The following LRCH1 variants were observed in gnomAD, a reference collection of about 807,000 sequenced individuals.
LRCH1 encodes the protein leucine rich repeats and calponin homology domain containing 1.
Under a neutral mutation model 94.9 loss-of-function variants are expected in LRCH1, and 23 were observed. The observed-to-expected ratio is 0.24, with a 90% CI of 0.17 to 0.34. The LOEUF (loss-of-function observed/expected upper bound fraction) is 0.34. LRCH1 is among the 10% of genes least tolerant of loss of function. LRCH1 has a pLI of 1.00. For synonymous variants in LRCH1, 364 were observed against 354.9 expected (o/e 1.03, Z -0.29); for missense variants, 790 against 945.9 (o/e 0.84, Z 2.16).
At chr13:46,708,233 G>A (rs1488860629) in intron 13 of LRCH1, among the ~76,000 whole-genome samples, 1 of 151,774 alleles carries the variant, frequency 6.6e-6, no homozygotes, top group African/African-American at 2.4e-5. Flanking sequence ...AATATAGACT[G>A]AGCCCAGTTC....
intron 18 of LRCH1, among the ~76,000 whole-genome samples, chr13:46,730,879 G>C (rs1414175076): frequency 6.6e-6 from 1 of 152,094 alleles, no homozygotes; most frequent in Non-Finnish European, 1.5e-5. Flanking sequence ...AGGACATCAT[G>C]AATTGTGTAC....
At chr13:46,631,529 A>G (rs2051017421) in intron 1 of LRCH1, among the ~76,000 whole-genome samples, 1 of 152,168 alleles carries the variant, frequency 6.6e-6, no homozygotes, top group Non-Finnish European at 1.5e-5. Flanking sequence ...AGTATGTAGC[A>G]TGGACTCTGA....
chr13:46,618,191 G>A (rs776565152), intron 1 of LRCH1, among the ~76,000 whole-genome samples: 59 of 152,094 alleles, frequency 3.9e-4, no homozygotes, highest in Non-Finnish European at 8.1e-4. Context: ...AACCCGCATG[G>A]CATGTTACCA....
intron 1 of LRCH1, among the ~76,000 whole-genome samples, chr13:46,567,592 C>T (rs922774243): frequency 5.6e-4 from 85 of 151,448 alleles, no homozygotes; most frequent in Non-Finnish European, 8.2e-4. Flanking sequence ...GTCATTCCAT[C>T]GGTTATAGGC....
chr13:46,599,537 A>G (rs2050603150), intron 1 of LRCH1, among the ~76,000 whole-genome samples: 1 of 152,170 alleles, frequency 6.6e-6, no homozygotes, highest in Non-Finnish European at 1.5e-5. Context: ...TTGGTAGCTG[A>G]CTGATAATTA....
intron 1 of LRCH1, among the ~76,000 whole-genome samples, chr13:46,625,900 A>C (rs1459821450): frequency 6.6e-6 from 1 of 151,890 alleles, no homozygotes; most frequent in East Asian, 1.9e-4. Flanking sequence ...TGATCTGCCC[A>C]CCTCAGCCTC....
At chr13:46,732,531 C>A (rs959518508) in intron 18 of LRCH1, among the ~76,000 whole-genome samples, 1 of 152,164 alleles carries the variant, frequency 6.6e-6, no homozygotes, top group Admixed American at 6.5e-5. Flanking sequence ...CCATTAACTT[C>A]TTTGGGGCTG....
chr13:46,676,939 G>A (rs969148325), intron 3 of LRCH1, among the ~76,000 whole-genome samples: 2 of 151,942 alleles, frequency 1.3e-5, no homozygotes, highest in African/African-American at 2.4e-5. Context: ...CACCATGCCC[G>A]ACTAATTTTT....
At chr13:46,705,545 A>AT (rs3832915) in intron 13 of LRCH1, 470,239 of 626,778 alleles carry the variant, frequency 0.75, 177,480 homozygotes, top group East Asian at 0.83. Context: ...GATTCTGTAG[A>AT]TTTTTTTACC....
chr13:46,708,276 C>CTTTTTTT (rs10635302), intron 13 of LRCH1, among the ~76,000 whole-genome samples: 1 of 130,504 alleles, frequency 7.7e-6, no homozygotes, highest in African/African-American at 2.9e-5. Context: ...TTCATCCCAT[C>CTTTTTTT]TTTTTTTTTT....
intron 17 of LRCH1, among the ~76,000 whole-genome samples, chr13:46,725,902 C>A (rs1434415948): frequency 6.6e-6 from 1 of 152,096 alleles, no homozygotes; most frequent in African/African-American, 2.4e-5. Context: ...TGATATCTTA[C>A]AATTTTATCT....
At chr13:46,699,956 G>A (rs962670348) in intron 10 of LRCH1, among the ~76,000 whole-genome samples, 1 of 152,188 alleles carries the variant, frequency 6.6e-6, no homozygotes, top group Non-Finnish European at 1.5e-5. Context: ...CACAGATGAC[G>A]AAACTGAGGC....
intron 16 of LRCH1, among the ~76,000 whole-genome samples, chr13:46,717,144 G>A (rs1872362933): frequency 6.6e-6 from 1 of 152,070 alleles, no homozygotes; most frequent in Non-Finnish European, 1.5e-5. Flanking sequence ...AAACCAGAAA[G>A]GTGAGGTGAG....
intron 16 of LRCH1, among the ~76,000 whole-genome samples, chr13:46,718,732 A>T (rs1418971330): frequency 6.4e-4 from 98 of 152,178 alleles, no homozygotes; most frequent in Admixed American, 6.4e-3. Flanking sequence ...AGCTCGTGAT[A>T]TTTTTTCAAA....
chr13:46,660,462 C>A (rs1243266001), intron 2 of LRCH1, among the ~76,000 whole-genome samples: 1 of 152,030 alleles, frequency 6.6e-6, no homozygotes, highest in African/African-American at 2.4e-5. Context: ...GTAGGTGATA[C>A]CAGCTTAGAG....
intron 18 of LRCH1, among the ~76,000 whole-genome samples, chr13:46,732,441 G>A (rs1037963464): frequency 1.3e-5 from 2 of 152,204 alleles, no homozygotes; most frequent in Non-Finnish European, 2.9e-5. Context: ...TCTACCTGAA[G>A]TTAGGCAACA....
At chr13:46,587,444 G>A (rs1685578807) in intron 1 of LRCH1, among the ~76,000 whole-genome samples, 1 of 152,234 alleles carries the variant, frequency 6.6e-6, no homozygotes, top group African/African-American at 2.4e-5. Flanking sequence ...GGACACTTTT[G>A]ATAATGCTAC....
chr13:46,582,483 C>T (rs1254259543), intron 1 of LRCH1, among the ~76,000 whole-genome samples: 1 of 59,492 alleles, frequency 1.7e-5, no homozygotes, highest in African/African-American at 6.5e-5. Context: ...AAGGGATGAA[C>T]ATATTGTTTT....
chr13:46,670,536 G>A (rs765572293), intron 3 of LRCH1, among the ~76,000 whole-genome samples: 22 of 152,160 alleles, frequency 1.4e-4, no homozygotes, highest in Non-Finnish European at 1.9e-4. Flanking sequence ...TGTTCTCGCC[G>A]ACTGAGTCTG....
Sources: allele counts gnomAD v4.1 joint callset (sites outside exome capture counted in the v4.1 genomes callset), GRCh38; gene constraint gnomAD v4.1.1; transcripts MANE v1.5; gene names NCBI Gene and HGNC (gene_info 2026-07-23, HGNC 2026-07-21).